Variants in NEBL observed in about 807,000 individuals in gnomAD.
NEBL encodes the protein LIM and SH3 protein 2.
A neutral mutation model predicts 140.2 loss-of-function variants in NEBL; 122 were observed. The ratio of observed to expected loss-of-function variants is 0.87; its 90% CI spans 0.75 to 1.01. The LOEUF is 1.01. Ranked by LOEUF, NEBL falls within the 50% of genes least tolerant of loss-of-function variation. The probability of loss-of-function intolerance (pLI) is 0.00; values close to 1 mark genes in which losing one functional copy is unlikely to be tolerated. For missense variants in NEBL, 1,365 were observed against 1,231.3 expected, an observed-to-expected ratio of 1.11 and a Z score of -1.62; for synonymous variants, 436 against 398.9, an observed-to-expected ratio of 1.09 and a Z score of -1.11.
chr10:20,833,602 T>C (rs1229044399), intron 14 of NEBL, among the ~76,000 whole-genome samples: 2 of 152,006 alleles, frequency 1.3e-5, no homozygotes, highest in South Asian at 4.1e-4. Flanking sequence ...AAGAATTGCA[T>C]GTGAGGAGAG....
chr10:20,800,262 T>C (rs941340798), intron 26 of NEBL, among the ~76,000 whole-genome samples: 2 of 152,138 alleles, frequency 1.3e-5, no homozygotes, highest in Non-Finnish European at 2.9e-5. Flanking sequence ...CTTAGTATAA[T>C]GTCCTCTAGT....
intron 2 of NEBL, among the ~76,000 whole-genome samples, chr10:21,074,169 C>T (rs928201656): frequency 6.6e-6 from 1 of 152,214 alleles, no homozygotes; most frequent in East Asian, 1.9e-4. Context: ...AATCCTCACC[C>T]TTTCAGGACC....
At chr10:20,918,174 C>T (rs753514839) in intron 4 of NEBL, among the ~76,000 whole-genome samples, 3 of 151,928 alleles carry the variant, frequency 2.0e-5, no homozygotes, top group Non-Finnish European at 2.9e-5. Flanking sequence ...GCCTGGCCAA[C>T]ATGCTGAAAC....
intron 2 of NEBL, among the ~76,000 whole-genome samples, chr10:21,121,542 G>A (rs1414104959): frequency 2.0e-5 from 3 of 152,068 alleles, no homozygotes; most frequent in African/African-American, 7.2e-5. Context: ...TGCCTATCAC[G>A]TGCACACTAT....
intron 2 of NEBL, among the ~76,000 whole-genome samples, chr10:21,139,272 T>C (rs981074677): frequency 1.3e-5 from 2 of 152,174 alleles, no homozygotes; most frequent in Admixed American, 6.5e-5. Flanking sequence ...CATGAAGCTT[T>C]GGAGTTGTGG....
intron 2 of NEBL, chr10:21,146,295 C>T: frequency 1.3e-6 from 2 of 1,510,932 alleles, no homozygotes; most frequent in Non-Finnish European, 1.8e-6. Context: ...GTGGCCCTGT[C>T]TCAGCACACC....
chr10:21,013,768 C>T (rs1838446605), intron 3 of NEBL, among the ~76,000 whole-genome samples: 1 of 152,106 alleles, frequency 6.6e-6, no homozygotes, highest in Non-Finnish European at 1.5e-5. Context: ...ATCCCATCTA[C>T]TCGGGAGGCT....
At chr10:20,951,014 A>C (rs1306073122) in intron 4 of NEBL, among the ~76,000 whole-genome samples, 1 of 152,224 alleles carries the variant, frequency 6.6e-6, no homozygotes, top group African/African-American at 2.4e-5. Flanking sequence ...TCATACCTGT[A>C]ATCCCAGCAC....
At chr10:20,955,348 C>T (rs1835747132) in intron 4 of NEBL, among the ~76,000 whole-genome samples, 1 of 152,126 alleles carries the variant, frequency 6.6e-6, no homozygotes, top group Admixed American at 6.6e-5. Flanking sequence ...AGTGTTATAG[C>T]ACAAAGTCCC....
intron 3 of NEBL, among the ~76,000 whole-genome samples, chr10:21,211,132 C>T (rs1467448823): frequency 1.3e-5 from 2 of 152,120 alleles, no homozygotes; most frequent in Non-Finnish European, 2.9e-5. Flanking sequence ...TTTGATCATC[C>T]TTATCAATGC....
At chr10:20,915,813 T>C (rs1245350922) in intron 4 of NEBL, among the ~76,000 whole-genome samples, 1 of 152,168 alleles carries the variant, frequency 6.6e-6, no homozygotes, top group Admixed American at 6.5e-5. Flanking sequence ...TAGTTCTAGA[T>C]CCCTGAGGAA....
intron 2 of NEBL, among the ~76,000 whole-genome samples, chr10:21,164,473 A>G (rs1242700325): frequency 1.3e-5 from 2 of 152,216 alleles, no homozygotes; most frequent in African/African-American, 4.8e-5. Context: ...ATATACCTTT[A>G]AGCACACATA....
intron 4 of NEBL, among the ~76,000 whole-genome samples, chr10:20,940,057 A>T (rs1834766727): frequency 6.6e-6 from 1 of 151,704 alleles, no homozygotes; most frequent in Non-Finnish European, 1.5e-5. Flanking sequence ...ATACCCAGGA[A>T]TTGAACTCAG....
At chr10:21,229,115 A>T (rs183080302) in intron 3 of NEBL, among the ~76,000 whole-genome samples, 1 of 152,304 alleles carries the variant, frequency 6.6e-6, no homozygotes, top group East Asian at 1.9e-4. Context: ...GAGTAGTATA[A>T]ATTCCATATA....
In NEBL at chr10:21,241,472, G is replaced by A. The variant is rs186496423; in HGVS notation, n.348+6449C>T. ...ACTTCAAGCATTCCCCTAGAGGGATGGTATGTTTTGCAATGAAGTCAACTC... is the reference window on the plus strand; with the variant it reads ...ACTTCAAGCATTCCCCTAGAGGGATAGTATGTTTTGCAATGAAGTCAACTC... On this transcript the variant is annotated intron_variant and non_coding_transcript_variant, in intron 3 of 8. Transcript: ENST00000675702. Among the ~76,000 whole-genome samples, 213 of 152,176 alleles carry A rather than the reference G, an allele frequency of 1.4e-3. 1 individual carries two copies. Among genetic ancestry groups the A allele is most frequent in the Middle Eastern group, 6.8e-3 (2 of 294 alleles).
intron 26 of NEBL, among the ~76,000 whole-genome samples, chr10:20,790,592 C>A (rs1238466757): frequency 6.7e-6 from 1 of 148,282 alleles, no homozygotes; most frequent in Non-Finnish European, 1.5e-5. Flanking sequence ...CAGAGTGAAA[C>A]TCTGTCTCAA....
At chr10:20,900,707 G>T (rs1380152875), upstream of NEBL, among the ~76,000 whole-genome samples, 1 of 150,648 alleles carries the variant, frequency 6.6e-6, no homozygotes, top group African/African-American at 2.5e-5. Flanking sequence ...GATGGCAGTA[G>T]ATGGGATTAC....
intron 2 of NEBL, among the ~76,000 whole-genome samples, chr10:21,142,401 C>T (rs1291242757): frequency 6.6e-6 from 1 of 152,116 alleles, no homozygotes. Context: ...GATCACCTTA[C>T]CACTCAGTCC....
intron 1 of NEBL, among the ~76,000 whole-genome samples, chr10:21,272,658 G>A (rs530476019): frequency 1.3e-5 from 2 of 152,212 alleles, no homozygotes; most frequent in Non-Finnish European, 2.9e-5. Flanking sequence ...TAGCTGTGTG[G>A]CATTTGAGCA....
Sources: allele counts gnomAD v4.1 joint callset (sites outside exome capture counted in the v4.1 genomes callset), GRCh38; gene constraint gnomAD v4.1.1; transcripts MANE v1.5; gene names NCBI Gene and HGNC (gene_info 2026-07-23, HGNC 2026-07-21).